PPIE: variants seen among roughly 807,000 people sequenced by gnomAD.
The protein encoded by PPIE is peptidyl-prolyl cis-trans isomerase E.
A neutral mutation model predicts 38.4 loss-of-function variants in PPIE; 20 were observed. The ratio of observed to expected loss-of-function variants is 0.52; its 90% confidence interval spans 0.37 to 0.76. PPIE has a LOEUF of 0.76. PPIE is among the 30% of genes least tolerant of loss of function. PPIE has a pLI of 0.00. For synonymous variants in PPIE, 142 were observed against 135.7 expected (o/e 1.05, Z -0.32); for missense variants, 322 against 385.8 (o/e 0.83, Z 1.39).
Position 39,754,797 on chromosome 1 carries a change from G to A in PPIE, c.*1442G>A, listed in dbSNP as rs533170749. Among the ~76,000 whole-genome samples, 1 of 152,298 alleles carries A rather than the reference G, an allele frequency of 6.6e-6. No homozygotes were observed. Among genetic ancestry groups the A allele is most frequent in the Non-Finnish European group, 1.5e-5 (1 of 68,024 alleles). On this transcript the variant is annotated 3_prime_UTR_variant, in exon 10 of 10. Coordinates refer to ENST00000324379, the MANE Select transcript of PPIE (RefSeq NM_006112.4). ...CGCTTGAACCTGGGAGGTTGAGGCT[G>A]CAGTCAGCCATGGTCATGCCACTGT...
Position 39,741,425 on chromosome 1 carries a change from A to G in PPIE, c.174+16A>G. On this transcript the variant is annotated intron_variant, in intron 3 of 9. Transcript: ENST00000324379. ...GTTGGCAGAGGTGAGAGTCTGTGTT[A>G]CTAGTGTCTAGTCCTTGGTTTGTGA... The G allele has an allele frequency of 6.2e-7, 1 of 1,612,930 alleles. No homozygotes were observed. Among genetic ancestry groups the G allele is most frequent in the Non-Finnish European group, 8.5e-7 (1 of 1,178,886 alleles).
rs752733204 is a variant in PPIE, at chr1:39,741,915, C to T, written c.195C>T (p.Asp65=). 12 of 1,614,108 alleles carry T rather than the reference C, an allele frequency of 7.4e-6. 1 individual carries two copies. In the South Asian group the frequency reaches 1.3e-4, roughly 18 times the overall value. Reference sequence around the variant, plus strand: ...GGCAGGATGCTGCAGCAGCTATCGACAACATGGTATGGCTGGGAATCTTAA... The same window carrying T: ...GGCAGGATGCTGCAGCAGCTATCGATAACATGGTATGGCTGGGAATCTTAA... ...ELAEDAAAAI[D]NMNESELFGR... is the part of the protein sequence containing the mutation. Residue 65 remains aspartate, a synonymous_variant, in exon 4 of 10, where the codon GAC becomes GAT. Transcript: ENST00000324379.
intron 8 of PPIE, 40 bp downstream of exon 8, chr1:39,749,128 C>T: frequency 6.5e-7 from 1 of 1,544,614 alleles, no homozygotes; most frequent in Non-Finnish European, 8.7e-7. Context: ...GGAGGCTGGG[C>T]AAGGGTGGGA....
intron 5 of PPIE, 104 bp downstream of exon 5, chr1:39,743,401 C>A: frequency 1.0e-6 from 1 of 983,714 alleles, no homozygotes; most frequent in Non-Finnish European, 1.6e-6. Context: ...ATGCTGCTTC[C>A]TGGTAGATAG....
At position 39,753,723 on chromosome 1, in the gene PPIE, G is replaced by T. The variant is rs1021113882; in HGVS notation, c.*368G>T. 2.9e-6 allele frequency: 3 copies of T among 1,038,280 alleles called. No homozygotes were observed. Among genetic ancestry groups the T allele is most frequent in the Non-Finnish European group, 3.5e-6 (3 of 863,462 alleles). 64.3% of individuals were successfully genotyped at this position (1,038,280 alleles called of 1,614,324 possible). A position where few individuals can be genotyped will look rare whatever the true frequency, so the allele number is the denominator to read the frequency against. On this transcript the variant is annotated 3_prime_UTR_variant, in exon 10 of 10. Transcript: ENST00000324379. Reference sequence around the variant, plus strand: ...TATATTGCTCTTCCTGCTAGTTCTTGGGAGTTGTCAGAGATTGTGTCTGTG... The same window carrying T: ...TATATTGCTCTTCCTGCTAGTTCTTTGGAGTTGTCAGAGATTGTGTCTGTG...
At chr1:39,743,136 G>T (rs1647103144) in intron 4 of PPIE, 80 bp from the exon 5 acceptor site, 2 of 1,232,238 alleles carry the variant, frequency 1.6e-6, no homozygotes, top group Non-Finnish European at 2.4e-6. Flanking sequence ...TCATGAGTGT[G>T]TCTCAGAAGT....
At chr1:39,742,316 T>G (rs961065561) in intron 4 of PPIE, 3 of 169,354 alleles carry the variant, frequency 1.8e-5, no homozygotes, top group Non-Finnish European at 3.8e-5. Context: ...CTGATACAAA[T>G]GATTTGGATA....
At chr1:39,758,241 T>C (rs962825745), downstream of PPIE, 1 of 152,238 alleles carries the variant, frequency 6.6e-6, no homozygotes, top group Non-Finnish European at 1.5e-5. Flanking sequence ...CATAATTTCA[T>C]TTTGTTGAGA....
chr1:39,741,459 C>G (rs920890920), intron 3 of PPIE, 50 bp downstream of exon 3: 2 of 1,586,932 alleles, frequency 1.3e-6, no homozygotes, highest in African/African-American at 2.7e-5. Flanking sequence ...GATGTTGTTA[C>G]TGATTACAAA....
At chr1:39,752,237 C>G (rs970114062) in intron 8 of PPIE, among the ~76,000 whole-genome samples, 1 of 152,198 alleles carries the variant, frequency 6.6e-6, no homozygotes, top group Non-Finnish European at 1.5e-5. Context: ...AGACTGGCAT[C>G]TGCATGCTGA....
intron 8 of PPIE, 55 bp from the exon 9 acceptor site, chr1:39,752,855 C>T (rs1478074942): frequency 2.5e-6 from 4 of 1,580,166 alleles, no homozygotes; most frequent in Admixed American, 1.9e-5. Flanking sequence ...GCACAGACGT[C>T]CTTTAAGGGC....
At chr1:39,763,206 G>A (rs762887771) in intron 9 of PPIE, 39 of 1,607,674 alleles carry the variant, frequency 2.4e-5, no homozygotes, top group Non-Finnish European at 3.3e-5. Flanking sequence ...CCCAGTCCTG[G>A]GGGGCAAGGG....
At chr1:39,743,021 G>GT (rs966917076) in intron 4 of PPIE, 195 bp from the exon 5 acceptor site, 3 of 536,684 alleles carry the variant, frequency 5.6e-6, no homozygotes, top group Middle Eastern at 4.9e-4. Context: ...AGGTCTTTGT[G>GT]TGCTGCTATG....
chr1:39,748,256 T>G (rs1647332584), intron 7 of PPIE: 1 of 152,270 alleles, frequency 6.6e-6, no homozygotes, highest in Middle Eastern at 3.2e-3. Flanking sequence ...TTTTTTTCTT[T>G]CACCTCTGCT....
rs1222279229 is a variant in PPIE, at chr1:39,740,261, C to T, written c.128C>T (p.Thr43Ile). 1 of 1,611,358 alleles carries T rather than the reference C, an allele frequency of 6.2e-7. No individual in the cohort carries two copies. The highest frequency in any genetic ancestry group is 1.3e-5 in the African/African-American group (1 of 74,862). The change falls in exon 2 of 10, where the codon ACA (threonine) becomes ATA (isoleucine). Residue 43 changes from threonine (T) to isoleucine (I), a missense_variant and splice_region_variant. Thr to Ile is a moderately conservative substitution (Grantham distance 89). Transcript: ENST00000324379. ...ATTCAGATTCCTCTGGATTATGAAA[C>T]AGGTGAGTTAGTGTCTCTCACGTTC... ...TDIQIPLDYE[T>I]EKHRGFAFVE...
downstream of PPIE, chr1:39,760,707 A>C: frequency 8.4e-7 from 1 of 1,183,954 alleles, no homozygotes; most frequent in Non-Finnish European, 1.2e-6. Flanking sequence ...AATAATAACT[A>C]TTAACAGGAA....
rs188102736 is a variant in PPIE, at chr1:39,755,040, C to G, written c.*1685C>G. ...CACTGAAGAGAACAAATGGTCCCAC[C>G]CCCTGCTGAGCTCACAGTCTGGCTC... On this transcript the variant is annotated 3_prime_UTR_variant, in exon 10 of 10. Coordinates refer to ENST00000324379, the MANE Select transcript of PPIE (RefSeq NM_006112.4). 4.9e-3 allele frequency: 4,833 copies of G among 985,436 alleles called. 14 individuals carry two copies. Among genetic ancestry groups the G allele is most frequent in the Non-Finnish European group, 5.6e-3 (4,625 of 829,926 alleles). The allele number at this position is 985,436 out of a possible 1,614,324, so 61.0% of individuals were successfully genotyped here.
intron 9 of PPIE, chr1:39,762,941 G>C: frequency 9.9e-7 from 1 of 1,014,170 alleles, no homozygotes; most frequent in Non-Finnish European, 1.5e-6. Context: ...CTGCAGAGCT[G>C]TGGGAAGTTA....
At chr1:39,742,058 A>T in intron 4 of PPIE, 137 bp downstream of exon 4, 1 of 824,356 alleles carries the variant, frequency 1.2e-6, no homozygotes, top group African/African-American at 1.7e-5. Context: ...GAAAATATTC[A>T]CTGTGAATTG....
Sources: gnomAD v4.1 joint callset for allele counts (sites outside exome capture counted in the v4.1 genomes callset) on GRCh38, gnomAD v4.1.1 for gene constraint, MANE v1.5 for transcripts, NCBI Gene and HGNC (gene_info 2026-07-23, HGNC 2026-07-21) for gene names.